The following TIMM9 variants were observed in gnomAD, a reference collection of about 807,000 sequenced individuals.
TIMM9 encodes the protein translocase of inner mitochondrial membrane 9.
In TIMM9, 10 loss-of-function variants were observed where a neutral mutation model predicts 13.4. The ratio of observed to expected loss-of-function variants is 0.75; its 90% CI spans 0.46 to 1.26. TIMM9 has a LOEUF of 1.26. TIMM9 is among the 50% of genes most tolerant of loss of function. The pLI, the probability that TIMM9 is intolerant of heterozygous loss-of-function variation, is 0.00. For missense variants in TIMM9, 87 were observed against 100.8 expected, an observed-to-expected ratio of 0.86 and a Z score of 0.58; for synonymous variants, 32 against 32.1, an observed-to-expected ratio of 1.00 and a Z score of 0.01.
chr14:58,427,490 G>A lies in TIMM9; in HGVS notation c.-402C>T, dbSNP rs1333051748. The A allele has an allele frequency of 1.7e-6, 2 of 1,148,424 alleles. No individual in the cohort carries two copies. Among genetic ancestry groups the A allele is most frequent in the African/African-American group, 1.5e-5 (1 of 65,068 alleles). The allele number at this position is 1,148,424 out of a possible 1,614,324, so 71.1% of individuals were successfully genotyped here. A position where few individuals can be genotyped will look rare whatever the true frequency, so the allele number is the denominator to read the frequency against. ...CAAGTCGGGAGCTCTTCAAGTCTTG[G>A]ATGAGACTGTAGAGCGGTCTTGTGC... On this transcript the variant is annotated 5_prime_UTR_variant, in exon 1 of 6. Transcript: ENST00000395159.
intron 3 of TIMM9, among the ~76,000 whole-genome samples, chr14:58,417,420 G>C (rs2140329841): frequency 6.8e-6 from 1 of 148,122 alleles, no homozygotes; most frequent in South Asian, 2.2e-4. Flanking sequence ...AGGATTGCCT[G>C]AGCCAAGGAG....
intron 3 of TIMM9, among the ~76,000 whole-genome samples, chr14:58,413,358 TAGTTAACAAACACC>T (rs1264840470): frequency 1.3e-5 from 2 of 152,248 alleles, no homozygotes; most frequent in Non-Finnish European, 2.9e-5. Flanking sequence ...GTTCTATTAA[TAGTTAACAAACACC>T]AGTTAACAAA....
intron 5 of TIMM9, 101 bp downstream of exon 5, chr14:58,410,742 A>G: frequency 1.2e-6 from 1 of 800,720 alleles, no homozygotes; most frequent in African/African-American, 1.7e-5. Context: ...AAGGTAGTCT[A>G]AATTCCTGTA....
intron 5 of TIMM9, among the ~76,000 whole-genome samples, chr14:58,409,382 G>A (rs763080513): frequency 6.6e-6 from 1 of 152,068 alleles, no homozygotes; most frequent in Non-Finnish European, 1.5e-5. Context: ...CCAGTTTGTA[G>A]TCACTAAGAG....
chr14:58,426,203 G>A (rs1173844875), intron 2 of TIMM9, among the ~76,000 whole-genome samples: 2 of 151,510 alleles, frequency 1.3e-5, no homozygotes, highest in East Asian at 1.9e-4. Flanking sequence ...AGCCCTTAAA[G>A]TCTTTTTTTT....
intron 3 of TIMM9, among the ~76,000 whole-genome samples, chr14:58,414,711 T>G (rs1351996863): frequency 7.7e-6 from 1 of 129,662 alleles, no homozygotes; most frequent in Non-Finnish European, 1.5e-5. Context: ...TACTCCAGCC[T>G]GCACCGCATA....
At chr14:58,417,843 T>C (rs1471404711) in intron 3 of TIMM9, among the ~76,000 whole-genome samples, 3 of 152,052 alleles carry the variant, frequency 2.0e-5, no homozygotes, top group African/African-American at 7.2e-5. Flanking sequence ...ACAAACCTAC[T>C]AGCAAGAGAG....
chr14:58,419,521 A>T (rs1179642177), intron 3 of TIMM9, among the ~76,000 whole-genome samples: 1 of 151,652 alleles, frequency 6.6e-6, no homozygotes, highest in Non-Finnish European at 1.5e-5. Context: ...ATACACACAC[A>T]CACACACAAA....
intron 3 of TIMM9, among the ~76,000 whole-genome samples, chr14:58,412,809 G>A (rs1046238024): frequency 2.6e-5 from 4 of 152,058 alleles, no homozygotes; most frequent in Admixed American, 6.6e-5. Context: ...GCTGAGGCAG[G>A]AGAATCGCTT....
intron 3 of TIMM9, among the ~76,000 whole-genome samples, chr14:58,421,675 G>A (rs568314455): frequency 6.6e-6 from 1 of 152,266 alleles, no homozygotes; most frequent in East Asian, 1.9e-4. Flanking sequence ...AGCATTCCAA[G>A]CTAGAGTTCT....
chr14:58,408,726 T>C lies in TIMM9; in HGVS notation c.*308A>G, dbSNP rs1353036136. The C allele has an allele frequency of 1.2e-6, 1 of 822,248 alleles. No individual in the cohort carries two copies. The highest frequency in any genetic ancestry group is 1.8e-6 in the Non-Finnish European group (1 of 541,822). 50.9% of individuals were successfully genotyped at this position (822,248 alleles called of 1,614,324 possible). A position where few individuals can be genotyped will look rare whatever the true frequency, so the allele number is the denominator to read the frequency against. ...TACATGATCGAACACATAAGTTGCT[T>C]TAAAATTAACAGTCACAATTGAAGA... On this transcript the variant is annotated 3_prime_UTR_variant, in exon 6 of 6. Transcript: ENST00000395159.
chr14:58,423,985 C>G (rs551685379), intron 3 of TIMM9, 23 bp downstream of exon 3: 8 of 152,148 alleles, frequency 5.3e-5, no homozygotes, highest in Non-Finnish European at 1.2e-4. Flanking sequence ...AAAGGGAGAT[C>G]TTATCAGTCA....
chr14:58,424,518 T>C (rs1184661345), intron 2 of TIMM9, among the ~76,000 whole-genome samples: 1 of 152,240 alleles, frequency 6.6e-6, no homozygotes, highest in East Asian at 1.9e-4. Context: ...AAATGTCTTA[T>C]AAGCTATTAT....
At chr14:58,422,690 A>AT (rs2036623882) in intron 3 of TIMM9, among the ~76,000 whole-genome samples, 1 of 152,200 alleles carries the variant, frequency 6.6e-6, no homozygotes, top group Non-Finnish European at 1.5e-5. Flanking sequence ...TTTATTGAGA[A>AT]TTTGAAAAAC....
chr14:58,418,888 C>T (rs763857712), intron 3 of TIMM9, among the ~76,000 whole-genome samples: 10 of 151,944 alleles, frequency 6.6e-5, no homozygotes, highest in Non-Finnish European at 7.4e-5. Flanking sequence ...GGCTGATATA[C>T]GGGCTTATTG....
At chr14:58,419,641 C>T (rs1223717864) in intron 3 of TIMM9, among the ~76,000 whole-genome samples, 1 of 152,066 alleles carries the variant, frequency 6.6e-6, no homozygotes, top group African/African-American at 2.4e-5. Flanking sequence ...CATGGTGGCT[C>T]ATGCCTGGAA....
At position 58,408,970 on chromosome 14, in the gene TIMM9, T is replaced by G. The variant is rs1023402387; in HGVS notation, c.*64A>C. 1.9e-6 allele frequency: 3 copies of G among 1,575,926 alleles called. No homozygotes were observed. Among genetic ancestry groups the G allele is most frequent in the Middle Eastern group, 2.3e-4 (1 of 4,306 alleles). Reference sequence around the variant, plus strand: ...CTTTCAGGGGATTCTATCAGATGAGTCCTCATTTCCAATAAAGCAGCTGTT... The same window carrying G: ...CTTTCAGGGGATTCTATCAGATGAGGCCTCATTTCCAATAAAGCAGCTGTT... On this transcript the variant is annotated 3_prime_UTR_variant, in exon 6 of 6. Coordinates refer to ENST00000395159, the MANE Select transcript of TIMM9 (RefSeq NM_012460.4).
At chr14:58,425,550 A>G (rs150783557) in intron 2 of TIMM9, among the ~76,000 whole-genome samples, 1 of 152,158 alleles carries the variant, frequency 6.6e-6, no homozygotes, top group East Asian at 1.9e-4. Context: ...TCTGGAAAAA[A>G]AAAAAAAAAG....
chr14:58,409,055 T>A lies in TIMM9; in HGVS notation c.249A>T (p.Gly83=). The change falls in exon 6 of 6, where the codon GGA becomes GGT. Residue 83 remains glycine (G), a synonymous_variant. Coordinates refer to ENST00000395159, the MANE Select transcript of TIMM9 (RefSeq NM_012460.4). The part of the protein sequence containing the change: ...QQNEALAAKA[G]LLGQPR ...TTCTCTATCGTGGTTGGCCAAGGAG[T>A]CCTGCTTTGGCTGCCAGGGCTTCAT... The A allele has an allele frequency of 6.2e-7, 1 of 1,613,734 alleles. No individual in the cohort carries two copies. Among genetic ancestry groups the A allele is most frequent in the South Asian group, 1.1e-5 (1 of 90,996 alleles).
Sources: allele counts gnomAD v4.1 joint callset (sites outside exome capture counted in the v4.1 genomes callset), GRCh38; gene constraint gnomAD v4.1.1; transcripts MANE v1.5; gene names NCBI Gene and HGNC (gene_info 2026-07-23, HGNC 2026-07-21).